The following OSBPL8 variants were observed in gnomAD, a reference collection of about 807,000 sequenced individuals.
The protein encoded by OSBPL8 is oxysterol binding protein like 8.
A neutral mutation model predicts 125.5 loss-of-function variants in OSBPL8; 59 were observed. The ratio of observed to expected loss-of-function variants is 0.47; its 90% CI spans 0.38 to 0.58. The LOEUF is 0.58. Among genes scored for constraint, OSBPL8 ranks in the 20% least tolerant of loss-of-function variants. The probability of loss-of-function intolerance (pLI) is 0.00; values close to 1 mark genes in which losing one functional copy is unlikely to be tolerated. For missense variants in OSBPL8, 758 were observed against 1,047.8 expected, an observed-to-expected ratio of 0.72 and a Z score of 3.82; for synonymous variants, 330 against 338.9, an observed-to-expected ratio of 0.97 and a Z score of 0.29.
At chr12:76,540,526 G>A (rs1197615813) in intron 1 of OSBPL8, among the ~76,000 whole-genome samples, 7 of 135,826 alleles carry the variant, frequency 5.2e-5, no homozygotes, top group African/African-American at 8.1e-5. Flanking sequence ...GTGTGTGTGT[G>A]TACAGAGAGA....
At chr12:76,436,193 CAG>C (rs1555221062) in intron 4 of OSBPL8, among the ~76,000 whole-genome samples, 1 of 152,028 alleles carries the variant, frequency 6.6e-6, no homozygotes, top group Non-Finnish European at 1.5e-5. Flanking sequence ...ACTTACCCAC[CAG>C]AGACTCTATC....
chr12:76,490,649 T>C (rs559249684), intron 1 of OSBPL8, among the ~76,000 whole-genome samples: 36 of 152,342 alleles, frequency 2.4e-4, no homozygotes, highest in African/African-American at 8.4e-4. Flanking sequence ...TTTGTTCATG[T>C]AACCTCATTT....
chr12:76,520,884 C>T (rs1409649993), intron 1 of OSBPL8, among the ~76,000 whole-genome samples: 1 of 152,176 alleles, frequency 6.6e-6, no homozygotes, highest in East Asian at 1.9e-4. Context: ...AAAATAACCA[C>T]TAATCAAGGG....
In OSBPL8 at chr12:76,392,716, T is replaced by G; in HGVS notation, c.794A>C (p.Lys265Thr). 6.2e-7 allele frequency: 1 copy of G among 1,613,424 alleles called. No individual in the cohort carries two copies. The highest frequency in any genetic ancestry group is 8.5e-7 in the Non-Finnish European group (1 of 1,179,476). ...CWMDALELAL[K>T]CSSLLKRTMI... ...TGTACGTTTAAGAAGACTAGAACATTTCAAAGCCAACTCCAAAGCATCCAT... is the reference window on the plus strand; with the variant it reads ...TGTACGTTTAAGAAGACTAGAACATGTCAAAGCCAACTCCAAAGCATCCAT... Residue 265 changes from lysine to threonine, a missense_variant, in exon 10 of 24, where the codon AAA (lysine) becomes ACA (threonine). By Grantham distance (78) the Lys-to-Thr change is moderately conservative. Around this residue, in one of 3 missense-constraint regions of OSBPL8, gnomAD observed 572 missense variants for 762.0 expected, o/e 0.75. Coordinates refer to ENST00000261183, the MANE Select transcript of OSBPL8 (RefSeq NM_020841.5).
At chr12:76,455,291 T>C (rs1873903364) in intron 3 of OSBPL8, among the ~76,000 whole-genome samples, 1 of 151,912 alleles carries the variant, frequency 6.6e-6, no homozygotes, top group Non-Finnish European at 1.5e-5. Context: ...AAGATTCTAG[T>C]TCTTAAGCTG....
intron 1 of OSBPL8, among the ~76,000 whole-genome samples, chr12:76,514,308 C>T (rs1238916104): frequency 7.3e-6 from 1 of 137,162 alleles, no homozygotes; most frequent in Admixed American, 7.2e-5. Flanking sequence ...CCACGCCCAG[C>T]TAATTTTTTT....
chr12:76,522,322 A>T (rs1214246783), intron 1 of OSBPL8, among the ~76,000 whole-genome samples: 1 of 152,120 alleles, frequency 6.6e-6, no homozygotes, highest in Admixed American at 6.6e-5. Context: ...AAAAAAAAAA[A>T]AGTGATATGA....
chr12:76,445,095 A>G (rs1417387311), intron 4 of OSBPL8, among the ~76,000 whole-genome samples: 1 of 152,108 alleles, frequency 6.6e-6, no homozygotes, highest in African/African-American at 2.4e-5. Context: ...GTAAAAAATA[A>G]TTTTCTGTTT....
At chr12:76,416,917 T>A (rs551897787) in intron 4 of OSBPL8, among the ~76,000 whole-genome samples, 1 of 152,186 alleles carries the variant, frequency 6.6e-6, no homozygotes, top group Non-Finnish European at 1.5e-5. Context: ...CATAAATTAA[T>A]CATTGTGTTT....
intron 1 of OSBPL8, among the ~76,000 whole-genome samples, chr12:76,522,314 A>G (rs1882141867): frequency 2.0e-5 from 3 of 152,136 alleles, no homozygotes; most frequent in Non-Finnish European, 4.4e-5. Flanking sequence ...AAAAAATGAA[A>G]AAAAAAAAAG....
intron 2 of OSBPL8, among the ~76,000 whole-genome samples, chr12:76,462,500 T>C (rs1045173407): frequency 6.6e-6 from 1 of 152,198 alleles, no homozygotes; most frequent in Non-Finnish European, 1.5e-5. Flanking sequence ...AATATTTACT[T>C]AGTAACTACT....
rs144759048 is a variant in OSBPL8, at chr12:76,405,844, A to G, written c.289-3078T>C. 5.8e-3 allele frequency among the ~76,000 whole-genome samples: 886 copies of G among 152,296 alleles called. 4 individuals are homozygous for G. Among genetic ancestry groups the G allele is most frequent in the African/African-American group, 0.019 (788 of 41,570 alleles). On this transcript the variant is annotated intron_variant, in intron 5 of 23. Coordinates refer to ENST00000261183, the MANE Select transcript of OSBPL8 (RefSeq NM_020841.5). ...GATGACCATCAAGATAGGCAGGTTT[A>G]ATGTATACTACTGCTTCCCTCTTTG...
At chr12:76,539,066 A>C (rs991215607) in intron 1 of OSBPL8, among the ~76,000 whole-genome samples, 1 of 59,684 alleles carries the variant, frequency 1.7e-5, no homozygotes. Context: ...GGGGAGGGGG[A>C]GGGTAAGTAT....
chr12:76,530,334 A>G (rs1353954278), intron 1 of OSBPL8, among the ~76,000 whole-genome samples: 1 of 150,720 alleles, frequency 6.6e-6, no homozygotes, highest in African/African-American at 2.4e-5. Context: ...CTAGGATTAC[A>G]GCTGTGAGCC....
rs181579954 is a variant in OSBPL8, at chr12:76,541,102, G to A, written c.-68+18295C>T. On this transcript the variant is annotated intron_variant, in intron 1 of 23. Transcript: ENST00000261183. ...TCTAAGACACATAACGCAAGAAGATGGCACAATTCCTTACACCATAATGGT... is the reference window on the plus strand; with the variant it reads ...TCTAAGACACATAACGCAAGAAGATAGCACAATTCCTTACACCATAATGGT... Among the ~76,000 whole-genome samples, 410 of 152,238 alleles carry A rather than the reference G, an allele frequency of 2.7e-3. 2 individuals carry two copies. The highest frequency in any genetic ancestry group is 4.2e-3 in the Non-Finnish European group (285 of 68,024).
intron 2 of OSBPL8, among the ~76,000 whole-genome samples, chr12:76,462,884 C>T (rs1302158323): frequency 1.3e-5 from 2 of 151,912 alleles, no homozygotes; most frequent in Non-Finnish European, 2.9e-5. Flanking sequence ...TGGAAGAGCA[C>T]GAAGGCCAAT....
chr12:76,398,034 T>C (rs1288470432), intron 7 of OSBPL8, 137 bp from the exon 8 acceptor site: 3 of 734,950 alleles, frequency 4.1e-6, no homozygotes, highest in East Asian at 2.7e-5. Context: ...AGCTACTACA[T>C]GGCAAGCACA....
intron 4 of OSBPL8, among the ~76,000 whole-genome samples, chr12:76,423,567 C>T (rs1305967300): frequency 6.6e-6 from 1 of 152,094 alleles, no homozygotes; most frequent in Non-Finnish European, 1.5e-5. Context: ...GACAAATGTA[C>T]TATGTTTAAA....
intron 1 of OSBPL8, among the ~76,000 whole-genome samples, chr12:76,548,568 T>C (rs1950848205): frequency 6.6e-6 from 1 of 152,142 alleles, no homozygotes; most frequent in Admixed American, 6.6e-5. Context: ...TGAACCACTA[T>C]CTAGGGAAAG....
Sources: gnomAD v4.1 joint callset for allele counts (sites outside exome capture counted in the v4.1 genomes callset) on GRCh38, gnomAD v4.1.1 for gene constraint, gnomAD v4.1.1 regional missense constraint, MANE v1.5 for transcripts, NCBI Gene and HGNC (gene_info 2026-07-23, HGNC 2026-07-21) for gene names.